Variants in SLMAP observed in about 807,000 individuals in gnomAD.
SLMAP encodes the protein sarcolemma associated protein, also known as sarcolemmal membrane-associated protein.
A neutral mutation model predicts 128.8 loss-of-function variants in SLMAP; 44 were observed. That is an observed-to-expected ratio of 0.34 (90% CI 0.27 to 0.44). The LOEUF (loss-of-function observed/expected upper bound fraction) is 0.44. Among genes scored for constraint, SLMAP ranks in the 20% least tolerant of loss-of-function variants. The pLI is 1.00. For synonymous variants in SLMAP, 327 were observed against 348.8 expected (o/e 0.94, Z 0.70); for missense variants, 787 against 985.3 (o/e 0.80, Z 2.69).
intron 6 of SLMAP, among the ~76,000 whole-genome samples, chr3:57,854,983 A>C (rs1251289655): frequency 6.6e-6 from 1 of 152,234 alleles, no homozygotes; most frequent in Non-Finnish European, 1.5e-5. Context: ...TAGGCTACAA[A>C]CCCATACAGC....
At chr3:57,861,505 C>T (rs2095061251) in intron 9 of SLMAP, among the ~76,000 whole-genome samples, 1 of 152,144 alleles carries the variant, frequency 6.6e-6, no homozygotes, top group African/African-American at 2.4e-5. Context: ...TACCTCATCC[C>T]ATAGTGCCTG....
Position 57,757,355 on chromosome 3 carries a change from G to A in SLMAP, c.-297G>A. 2 of 463,246 alleles carry A rather than the reference G, an allele frequency of 4.3e-6. No homozygotes were observed. The highest frequency in any genetic ancestry group is 4.4e-5 in the South Asian group (2 of 45,600). The allele number at this position is 463,246 out of a possible 1,614,324, so 28.7% of individuals were successfully genotyped here. ...TGTTCCAGGAGTTTTCTTGGCCGAA[G>A]CTGCCCGATGTTTGAGCCTTTTCTT... On this transcript the variant is annotated 5_prime_UTR_variant, in exon 2 of 25. Coordinates refer to ENST00000671191, the MANE Select transcript of SLMAP (RefSeq NM_001377540.1).
rs761581242 is a variant in SLMAP at position 57,825,225 on chromosome 3, C to CT, written c.199-6145dup. The stretch of plus-strand genomic sequence containing the variant: ...ACTTCGTCCTTTCCAATTTCAATGC[C>CT]TTTTTTTTTTTTTATTCTTTCTAGA... On this transcript the variant is annotated intron_variant, in intron 2 of 24. Transcript: ENST00000671191. Among the ~76,000 whole-genome samples the CT allele has an allele frequency of 1.8e-3, 255 of 142,494 alleles. 1 individual carries two copies. Among genetic ancestry groups the CT allele is most frequent in the Middle Eastern group, 3.6e-3 (1 of 276 alleles). The allele number at this position is 142,494 out of a possible 152,430, so 93.5% of individuals were successfully genotyped here. A position where few individuals can be genotyped will look rare whatever the true frequency, so the allele number is the denominator to read the frequency against.
chr3:57,871,569 A>C, intron 13 of SLMAP, 67 bp from the exon 14 acceptor site: 1 of 1,212,560 alleles, frequency 8.2e-7, no homozygotes, highest in African/African-American at 1.5e-5. Context: ...CAGTTTTCCT[A>C]CCTTTGCTGT....
rs901394777 is a variant in SLMAP, at chr3:57,890,078, A to G, written c.1338A>G (p.Val446=). 2 of 1,614,062 alleles carry G rather than the reference A, an allele frequency of 1.2e-6. No individual in the cohort carries two copies. Among genetic ancestry groups the G allele is most frequent in the Non-Finnish European group, 1.7e-6 (2 of 1,179,900 alleles). ...TCGAAGGGCATCTAACCAAAGCGGT[A>G]GAAGAAACAAAGCTTTCAAAAGGTT... ...LIVEGHLTKA[V]EETKLSKENQ... is the part of the protein sequence containing the mutation. The change falls in exon 15 of 25, where the codon GTA becomes GTG. Residue 446 remains valine (V), a synonymous_variant. Transcript: ENST00000671191.
At chr3:57,888,644 C>T (rs1447900699) in intron 14 of SLMAP, among the ~76,000 whole-genome samples, 2 of 151,040 alleles carry the variant, frequency 1.3e-5, no homozygotes, top group African/African-American at 2.4e-5. Flanking sequence ...TATAGATTGA[C>T]AAAATGCAAC....
chr3:57,919,727 G>A (rs2096881317), intron 22 of SLMAP, among the ~76,000 whole-genome samples: 1 of 151,908 alleles, frequency 6.6e-6, no homozygotes, highest in Admixed American at 6.6e-5. Context: ...CCCGGGAAGT[G>A]GAGGTTGTGG....
In SLMAP at chr3:57,792,294, G is replaced by A. The variant is rs112242146; in HGVS notation, c.198+34445G>A. Among the ~76,000 whole-genome samples the A allele has an allele frequency of 2.9e-3, 438 of 151,908 alleles. 3 individuals are homozygous for A. The highest frequency in any genetic ancestry group is 0.01 in the African/African-American group (419 of 41,470). ...TCCAAGTAAACTTATAAGTAAATTA[G>A]CTGAAACAGTCATTGTTAGAAATCA... On this transcript the variant is annotated intron_variant, in intron 2 of 24. Coordinates refer to ENST00000671191, the MANE Select transcript of SLMAP (RefSeq NM_001377540.1).
chr3:57,853,955 TTATATATATATA>T (rs1157170350), intron 6 of SLMAP, among the ~76,000 whole-genome samples: 491 of 31,916 alleles, frequency 0.015, 9 homozygotes, highest in East Asian at 0.026. Flanking sequence ...AAAAAAAAAA[TTATATATATATA>T]TATATATATA....
chr3:57,913,544 A>G (rs1386232218), intron 21 of SLMAP, among the ~76,000 whole-genome samples: 2 of 152,190 alleles, frequency 1.3e-5, no homozygotes, highest in East Asian at 3.8e-4. Flanking sequence ...AAACAACAAA[A>G]GTCTGTAATT....
chr3:57,911,260 C>T (rs184434951), intron 19 of SLMAP, among the ~76,000 whole-genome samples: 3 of 152,166 alleles, frequency 2.0e-5, no homozygotes, highest in Admixed American at 1.3e-4. Flanking sequence ...GCCATTGTGC[C>T]CTTTCAGATT....
intron 22 of SLMAP, chr3:57,918,141 A>G (rs577749329): frequency 2.0e-5 from 3 of 152,352 alleles, no homozygotes; most frequent in African/African-American, 7.2e-5. Context: ...TACTAAAGAT[A>G]TGTGTTTTAG....
chr3:57,760,418 C>T (rs1441340947), intron 2 of SLMAP, among the ~76,000 whole-genome samples: 1 of 152,130 alleles, frequency 6.6e-6, no homozygotes, highest in East Asian at 1.9e-4. Flanking sequence ...ATAGCGGATG[C>T]TCTGTCAGAT....
intron 9 of SLMAP, 151 bp downstream of exon 9, chr3:57,860,990 T>A: frequency 1.6e-6 from 1 of 637,612 alleles, no homozygotes; most frequent in Non-Finnish European, 2.6e-6. Context: ...GCTGCTTTCA[T>A]TGACAGCAAT....
chr3:57,906,039 T>G (rs946103467), intron 17 of SLMAP, among the ~76,000 whole-genome samples: 6 of 131,548 alleles, frequency 4.6e-5, no homozygotes, highest in Admixed American at 1.7e-4. Context: ...GCTTCTCTTC[T>G]AAATACTCCT....
intron 2 of SLMAP, among the ~76,000 whole-genome samples, chr3:57,785,398 C>G (rs1223736910): frequency 1.6e-4 from 25 of 152,114 alleles, no homozygotes; most frequent in Admixed American, 1.6e-3. Flanking sequence ...AGGGCATAAC[C>G]TTCTCTTAGG....
At chr3:57,782,326 G>C in intron 2 of SLMAP, among the ~76,000 whole-genome samples, 1 of 152,130 alleles carries the variant, frequency 6.6e-6, no homozygotes, top group East Asian at 1.9e-4. Context: ...TTTATAGGCA[G>C]AAGTTTCCTT....
At chr3:57,861,653 T>C (rs1484603159) in intron 9 of SLMAP, among the ~76,000 whole-genome samples, 1 of 152,194 alleles carries the variant, frequency 6.6e-6, no homozygotes, top group Admixed American at 6.5e-5. Context: ...CAGCTAAAAG[T>C]CATACCCATT....
At chr3:57,894,876 A>C (rs2096198856) in intron 15 of SLMAP, among the ~76,000 whole-genome samples, 1 of 152,204 alleles carries the variant, frequency 6.6e-6, no homozygotes, top group Non-Finnish European at 1.5e-5. Flanking sequence ...TAATGTAGGG[A>C]CCAGATTACG....
Sources: gnomAD v4.1 joint callset for allele counts (sites outside exome capture counted in the v4.1 genomes callset) on GRCh38, gnomAD v4.1.1 for gene constraint, MANE v1.5 for transcripts, NCBI Gene and HGNC (gene_info 2026-07-23, HGNC 2026-07-21) for gene names.